Variants in OSBPL2 observed in about 807,000 individuals in gnomAD.
OSBPL2 encodes the protein oxysterol binding protein like 2.
OSBPL2 carries 18 observed loss-of-function variants against 58.4 expected under a neutral mutation model. The ratio of observed to expected loss-of-function variants is 0.31; its 90% CI spans 0.21 to 0.46. The LOEUF (loss-of-function observed/expected upper bound fraction) is 0.46, where lower values mean the gene tolerates loss of function less well. OSBPL2 is among the 20% of genes least tolerant of loss of function. The pLI is 1.00. For synonymous variants in OSBPL2, 221 were observed against 234.1 expected (o/e 0.94, Z 0.51); for missense variants, 461 against 616.5 (o/e 0.75, Z 2.67).
chr20:62,274,985 G>A (rs1164967296), intron 6 of OSBPL2, among the ~76,000 whole-genome samples: 1 of 152,272 alleles, frequency 6.6e-6, no homozygotes. Context: ...TTTTAATTAC[G>A]AGAGAGTGCT....
chr20:62,249,635 C>G (rs769521202), intron 1 of OSBPL2, among the ~76,000 whole-genome samples: 1 of 152,156 alleles, frequency 6.6e-6, no homozygotes, highest in East Asian at 1.9e-4. Flanking sequence ...AGTGCAGTGG[C>G]GCGATCTCGG....
rs572766352 is a variant in OSBPL2, at chr20:62,242,884, G to A, written c.-129+4287G>A. Among the ~76,000 whole-genome samples, 40 of 152,350 alleles carry A rather than the reference G, an allele frequency of 2.6e-4. 1 individual carries two copies. In the South Asian group the frequency reaches 6.6e-3, roughly 25 times the overall value. The stretch of plus-strand genomic sequence containing the variant: ...GGAGCACCAGGCAGGGAGGACTGTA[G>A]TGTGTAGGGAGTTGTGTGGAGTTTT... On this transcript the variant is annotated intron_variant, in intron 1 of 13. Transcript: ENST00000313733.
At chr20:62,245,184 C>T (rs984352946) in intron 1 of OSBPL2, among the ~76,000 whole-genome samples, 5 of 152,016 alleles carry the variant, frequency 3.3e-5, no homozygotes, top group African/African-American at 1.2e-4. Context: ...CTGCAACCTC[C>T]GCCTCATGGG....
At chr20:62,285,307 A>G (rs1983044346) in intron 10 of OSBPL2, 1 of 152,220 alleles carries the variant, frequency 6.6e-6, no homozygotes, top group African/African-American at 2.4e-5. Context: ...GAGGTGACCT[A>G]GAAACGGGAG....
At chr20:62,281,590 T>A (rs542894997) in intron 8 of OSBPL2, 200 bp from the exon 9 acceptor site, 1 of 549,982 alleles carries the variant, frequency 1.8e-6, no homozygotes, top group Admixed American at 3.1e-5. Flanking sequence ...CTTAAGTGAT[T>A]TTTAGTAAAT....
intron 3 of OSBPL2, among the ~76,000 whole-genome samples, chr20:62,260,520 G>A (rs1394927078): frequency 2.0e-5 from 3 of 152,156 alleles, no homozygotes; most frequent in South Asian, 2.1e-4. Flanking sequence ...TTCCATGGGC[G>A]GCCAAGTTCA....
chr20:62,274,615 G>C (rs902195011), intron 6 of OSBPL2, among the ~76,000 whole-genome samples: 14 of 152,230 alleles, frequency 9.2e-5, no homozygotes, highest in Non-Finnish European at 1.3e-4. Flanking sequence ...CCAGCACACA[G>C]AGCTCACTCT....
chr20:62,277,181 C>T lies in OSBPL2; in HGVS notation c.492-1976C>T, dbSNP rs539172383. Among the ~76,000 whole-genome samples, 20 of 152,150 alleles carry T rather than the reference C, an allele frequency of 1.3e-4. No individual in the cohort carries two copies. The East Asian group carries it at 2.1e-3, about 16-fold the overall frequency. ...CTGGAGAATCACTTGAACCTGGAGG[C>T]GGAGGTTGCAGTGAGCCGAGATCAC... is the stretch of plus-strand genomic sequence containing the variant. On this transcript the variant is annotated intron_variant, in intron 6 of 13. Coordinates refer to ENST00000313733, the MANE Select transcript of OSBPL2 (RefSeq NM_144498.4).
Position 62,238,524 on chromosome 20 carries a change from A to C in OSBPL2, c.-202A>C, listed in dbSNP as rs931966071. The C allele has an allele frequency of 6.0e-5, 9 of 149,688 alleles. No homozygotes were observed. The highest frequency in any genetic ancestry group is 2.0e-4 in the East Asian group (1 of 5,086). 9.3% of individuals were successfully genotyped at this position (149,688 alleles called of 1,614,324 possible). ...CGGGCCGCACTTCCGCCTCGGTGTC[A>C]GTGGGTCGCGGGCCTACGGGGCGGG... On this transcript the variant is annotated 5_prime_UTR_variant, in exon 1 of 14. Coordinates refer to ENST00000313733, the MANE Select transcript of OSBPL2 (RefSeq NM_144498.4).
At chr20:62,239,165 G>A (rs1156492654) in intron 1 of OSBPL2, 1 of 152,266 alleles carries the variant, frequency 6.6e-6, no homozygotes, top group African/African-American at 2.4e-5. Flanking sequence ...CGTCGTCCCG[G>A]GGAGGGTGCC....
chr20:62,242,618 C>G (rs1979804866), intron 1 of OSBPL2: 1 of 152,258 alleles, frequency 6.6e-6, no homozygotes, highest in South Asian at 2.1e-4. Flanking sequence ...TTCCCGCACC[C>G]TCAGGGCTTG....
At chr20:62,239,161 C>T (rs980921799) in intron 1 of OSBPL2, 1 of 152,262 alleles carries the variant, frequency 6.6e-6, no homozygotes, top group African/African-American at 2.4e-5. Flanking sequence ...TGCACGTCGT[C>T]CCGGGGAGGG....
At chr20:62,282,157 A>G (rs1343717623) in intron 9 of OSBPL2, 6 of 268,644 alleles carry the variant, frequency 2.2e-5, no homozygotes, top group Admixed American at 9.3e-5. Flanking sequence ...GAAGTCAGCT[A>G]TTTCCACTGG....
chr20:62,265,817 C>G (rs1981625768), intron 4 of OSBPL2, among the ~76,000 whole-genome samples: 1 of 152,100 alleles, frequency 6.6e-6, no homozygotes, highest in Non-Finnish European at 1.5e-5. Context: ...GACAAACCAC[C>G]TAATTTTGAC....
intron 5 of OSBPL2, among the ~76,000 whole-genome samples, chr20:62,272,967 GTGAA>G (rs764791648): frequency 4.6e-5 from 7 of 152,242 alleles, no homozygotes; most frequent in African/African-American, 7.2e-5. Flanking sequence ...GCATGCCTCT[GTGAA>G]TGAGTGCTTG....
At chr20:62,248,672 CTTTA>C (rs3078864) in intron 1 of OSBPL2, among the ~76,000 whole-genome samples, 31 of 147,852 alleles carry the variant, frequency 2.1e-4, no homozygotes, top group South Asian at 8.8e-4. Context: ...GTCAGATCTG[CTTTA>C]TTTATTTATT....
chr20:62,277,269 A>T (rs1601186972), intron 6 of OSBPL2, among the ~76,000 whole-genome samples: 2 of 152,240 alleles, frequency 1.3e-5, no homozygotes, highest in South Asian at 4.1e-4. Flanking sequence ...AAGAAAAAGA[A>T]AAAGATAAAT....
chr20:62,264,448 G>A (rs1299939198), intron 4 of OSBPL2, among the ~76,000 whole-genome samples: 5 of 152,142 alleles, frequency 3.3e-5, no homozygotes, highest in Non-Finnish European at 5.9e-5. Context: ...CTCCTGTACC[G>A]TGCTGGTTCC....
chr20:62,252,405 AC>A (rs998739854), intron 1 of OSBPL2, among the ~76,000 whole-genome samples: 1 of 152,070 alleles, frequency 6.6e-6, no homozygotes. Context: ...TGCTAACTGC[AC>A]CCCCACGTTC....
Sources: gnomAD v4.1 joint callset for allele counts (sites outside exome capture counted in the v4.1 genomes callset) on GRCh38, gnomAD v4.1.1 for gene constraint, MANE v1.5 for transcripts, NCBI Gene and HGNC (gene_info 2026-07-23, HGNC 2026-07-21) for gene names.